The following ABTB3 variants were observed in gnomAD, a reference collection of about 807,000 sequenced individuals.
The protein encoded by ABTB3 is ankyrin repeat and BTB domain containing 3.
the ABTB3 span, chr12:107,658,449 A>G: frequency 1.3e-5 from 2 of 152,562 alleles, no homozygotes; most frequent in Non-Finnish European, 2.9e-5. Context: ...AGTGATCATG[A>G]TTACACAAAA....
the ABTB3 span, among the ~76,000 whole-genome samples, chr12:107,402,233 A>G: frequency 6.6e-6 from 1 of 152,146 alleles, no homozygotes; most frequent in Non-Finnish European, 1.5e-5. Flanking sequence ...ACAAAGCCAC[A>G]CAATTTTGAG....
the ABTB3 span, among the ~76,000 whole-genome samples, chr12:107,611,426 C>A: frequency 6.6e-6 from 1 of 152,182 alleles, no homozygotes; most frequent in Non-Finnish European, 1.5e-5. Flanking sequence ...AGGAATCTTC[C>A]CACTTTGGCC....
the ABTB3 span, among the ~76,000 whole-genome samples, chr12:107,379,096 C>A: frequency 1.3e-5 from 2 of 152,212 alleles, no homozygotes; most frequent in Admixed American, 6.5e-5. Context: ...CTCTCTGAGC[C>A]TCCCTTTGCC....
the ABTB3 span, among the ~76,000 whole-genome samples, chr12:107,508,903 C>T: frequency 3.9e-5 from 6 of 152,196 alleles, no homozygotes; most frequent in African/African-American, 1.4e-4. Flanking sequence ...AGGCCACAGT[C>T]CATGCTCCTG....
the ABTB3 span, among the ~76,000 whole-genome samples, chr12:107,437,464 T>G: frequency 1.3e-5 from 2 of 152,038 alleles, no homozygotes; most frequent in Non-Finnish European, 2.9e-5. Context: ...TGGCGTGATC[T>G]TGGCTCACTG....
At chr12:107,333,934 G>A in the ABTB3 span, among the ~76,000 whole-genome samples, 1 of 152,226 alleles carries the variant, frequency 6.6e-6, no homozygotes, top group Non-Finnish European at 1.5e-5. Flanking sequence ...ACATTGTGTA[G>A]AAAGATGAAG....
chr12:107,319,730 C>G, the ABTB3 span: 11 of 1,530,228 alleles, frequency 7.2e-6, no homozygotes, highest in Non-Finnish European at 9.6e-6. Flanking sequence ...CTGCAGTGGC[C>G]CTGGGTCAGG....
the ABTB3 span, among the ~76,000 whole-genome samples, chr12:107,548,531 A>C: frequency 6.6e-6 from 1 of 152,154 alleles, no homozygotes; most frequent in African/African-American, 2.4e-5. Context: ...TTCGTTTTTC[A>C]TTGTGGAATT....
the ABTB3 span, among the ~76,000 whole-genome samples, chr12:107,378,215 A>G: frequency 1.3e-5 from 2 of 152,202 alleles, no homozygotes; most frequent in South Asian, 4.1e-4. Context: ...TGGCTTGGCT[A>G]TAGGCAGACA....
At chr12:107,547,888 T>C in the ABTB3 span, among the ~76,000 whole-genome samples, 1 of 152,166 alleles carries the variant, frequency 6.6e-6, no homozygotes, top group Non-Finnish European at 1.5e-5. Context: ...GGAGCCCCCT[T>C]CCTCCCTAAA....
At chr12:107,505,268 T>C in the ABTB3 span, among the ~76,000 whole-genome samples, 6 of 152,002 alleles carry the variant, frequency 3.9e-5, no homozygotes, top group Non-Finnish European at 7.4e-5. Context: ...GCTAAAAAAA[T>C]AGCCTCGAAA....
the ABTB3 span, among the ~76,000 whole-genome samples, chr12:107,542,938 G>A: frequency 6.6e-6 from 1 of 152,238 alleles, no homozygotes; most frequent in East Asian, 1.9e-4. Flanking sequence ...CTTGTTGTAT[G>A]ATGGGTGGCA....
At chr12:107,523,675 G>A in the ABTB3 span, among the ~76,000 whole-genome samples, 4 of 152,106 alleles carry the variant, frequency 2.6e-5, no homozygotes, top group East Asian at 1.9e-4. Context: ...AGATGTCTGC[G>A]ACAAGTGGAA....
the ABTB3 span, among the ~76,000 whole-genome samples, chr12:107,347,151 G>C: frequency 6.6e-6 from 1 of 152,106 alleles, no homozygotes; most frequent in South Asian, 2.1e-4. Flanking sequence ...CATTTTGACT[G>C]TATTTACTGA....
chr12:107,506,159 T>C, the ABTB3 span, among the ~76,000 whole-genome samples: 1 of 152,208 alleles, frequency 6.6e-6, no homozygotes, highest in African/African-American at 2.4e-5. Context: ...ATAGTGTATA[T>C]GCATTCTGCA....
chr12:107,526,152 T>C, the ABTB3 span, among the ~76,000 whole-genome samples: 1 of 152,192 alleles, frequency 6.6e-6, no homozygotes, highest in African/African-American at 2.4e-5. Flanking sequence ...TGAGTAGGAC[T>C]CTTAATGAAA....
At chr12:107,622,437 C>T in the ABTB3 span, among the ~76,000 whole-genome samples, 2 of 152,162 alleles carry the variant, frequency 1.3e-5, no homozygotes, top group African/African-American at 4.8e-5. Context: ...GTTCCTTCTC[C>T]CTGCACTTTA....
At chr12:107,551,952 A>G in the ABTB3 span, among the ~76,000 whole-genome samples, 1 of 152,168 alleles carries the variant, frequency 6.6e-6, no homozygotes, top group Admixed American at 6.5e-5. Context: ...GGGTTTCACC[A>G]TGTTGGTCAG....
At chr12:107,570,515 C>A in the ABTB3 span, among the ~76,000 whole-genome samples, 2 of 152,104 alleles carry the variant, frequency 1.3e-5, no homozygotes, top group Non-Finnish European at 2.9e-5. Flanking sequence ...ATGCCCAACC[C>A]TTCTTTTTAA....
Sources: gnomAD v4.1 joint callset for allele counts (sites outside exome capture counted in the v4.1 genomes callset) on GRCh38, gnomAD v4.1.1 for gene constraint, MANE v1.5 for transcripts, NCBI Gene and HGNC (gene_info 2026-07-23, HGNC 2026-07-21) for gene names.